Variants in ZNF141 observed in about 807,000 individuals in gnomAD.
ZNF141 encodes zinc finger protein 141 (clone pHZ-44).
ZNF141 carries 7 observed loss-of-function variants against 11.3 expected under a neutral mutation model. The observed-to-expected ratio is 0.62, with a 90% CI of 0.35 to 1.16. The LOEUF (loss-of-function observed/expected upper bound fraction) is 1.16, where lower values mean the gene tolerates loss of function less well. ZNF141 is among the 50% of genes most tolerant of loss of function. The probability of loss-of-function intolerance (pLI) is 0.02; values close to 1 mark genes in which losing one functional copy is unlikely to be tolerated. For missense variants in ZNF141, 535 were observed against 554.0 expected (o/e 0.97, Z 0.34); for synonymous variants, 183 against 190.7 (o/e 0.96, Z 0.33).
intron 3 of ZNF141, among the ~76,000 whole-genome samples, chr4:368,186 A>G (rs989589639): frequency 6.6e-6 from 1 of 152,028 alleles, no homozygotes; most frequent in Non-Finnish European, 1.5e-5. Flanking sequence ...TATCTTTATT[A>G]TACATATTAG....
rs1553847765 is a variant in ZNF141 at position 337,847 on chromosome 4, T to G, written c.-137T>G. 1 of 1,188,948 alleles carries G rather than the reference T, an allele frequency of 8.4e-7. No individual in the cohort carries two copies. Among genetic ancestry groups the G allele is most frequent in the Non-Finnish European group, 1.2e-6 (1 of 813,562 alleles). The allele number at this position is 1,188,948 out of a possible 1,614,324, so 73.6% of individuals were successfully genotyped here. A position where few individuals can be genotyped will look rare whatever the true frequency, so the allele number is the denominator to read the frequency against. Reference sequence around the variant, plus strand: ...GTCTGGCTACTACCAGACCGCGGGTTAGGGGCTTCATCTCTCTGCGTTCTC... The same window carrying G: ...GTCTGGCTACTACCAGACCGCGGGTGAGGGGCTTCATCTCTCTGCGTTCTC... On this transcript the variant is annotated 5_prime_UTR_variant, in exon 1 of 4. Transcript: ENST00000240499.
chr4:352,990 G>C (rs1297141798), intron 3 of ZNF141, among the ~76,000 whole-genome samples: 1 of 152,120 alleles, frequency 6.6e-6, no homozygotes, highest in Non-Finnish European at 1.5e-5. Context: ...TGCTGACCCT[G>C]GGTGTTGTCA....
In ZNF141 at chr4:379,237, A is replaced by T. The variant is rs1352678868; in HGVS notation, c.*5375A>T. Among the ~76,000 whole-genome samples, 1 of 152,162 alleles carries T rather than the reference A, an allele frequency of 6.6e-6. No individual in the cohort carries two copies. The highest frequency in any genetic ancestry group is 2.1e-4 in the South Asian group (1 of 4,828). ...CACTTGCCCTTTTAGTGTCTTACAT[A>T]TGTATGATTACCATCAGCACTAGAA... On this transcript the variant is annotated 3_prime_UTR_variant, in exon 4 of 4. Coordinates refer to ENST00000240499, the MANE Select transcript of ZNF141 (RefSeq NM_003441.4).
At chr4:358,238 A>G (rs1201208884) in intron 3 of ZNF141, 6 of 373,250 alleles carry the variant, frequency 1.6e-5, no homozygotes, top group Non-Finnish European at 3.0e-5. Context: ...CCCAGACTGG[A>G]GTGCAATGGC....
At chr4:346,205 G>A (rs868942865) in intron 3 of ZNF141, among the ~76,000 whole-genome samples, 3 of 152,138 alleles carry the variant, frequency 2.0e-5, no homozygotes, top group African/African-American at 4.8e-5. Context: ...AAAAGATAAC[G>A]AGTTATGTTT....
At chr4:348,072 C>T (rs1581589680) in intron 3 of ZNF141, among the ~76,000 whole-genome samples, 2 of 152,110 alleles carry the variant, frequency 1.3e-5, no homozygotes, top group African/African-American at 4.8e-5. Context: ...TCTCGATCTC[C>T]TGATCTCATG....
chr4:349,973 T>A (rs781995022), intron 3 of ZNF141, among the ~76,000 whole-genome samples: 8 of 148,470 alleles, frequency 5.4e-5, no homozygotes, highest in Non-Finnish European at 1.2e-4. Context: ...GGCCATGGAC[T>A]GTGACTGTGA....
chr4:339,794 G>A (rs1411587980), intron 1 of ZNF141, among the ~76,000 whole-genome samples: 2 of 152,158 alleles, frequency 1.3e-5, no homozygotes, highest in Admixed American at 6.5e-5. Flanking sequence ...AACCTATTCC[G>A]CAATTTCTGT....
chr4:347,709 C>T (rs1462002511), intron 3 of ZNF141, among the ~76,000 whole-genome samples: 2 of 150,150 alleles, frequency 1.3e-5, no homozygotes, highest in Non-Finnish European at 2.9e-5. Flanking sequence ...CACCAGCATA[C>T]AAGATTTCCC....
chr4:343,735 A>G, intron 1 of ZNF141, 47 bp from the exon 2 acceptor site: 2 of 1,365,240 alleles, frequency 1.5e-6, no homozygotes, highest in African/African-American at 3.0e-5. Flanking sequence ...AAAAAAAAAA[A>G]AAAAAAAAAA....
At chr4:343,684 C>G (rs1721168835) in intron 1 of ZNF141, 98 bp from the exon 2 acceptor site, 1 of 1,317,244 alleles carries the variant, frequency 7.6e-7, no homozygotes, top group South Asian at 1.6e-5. Context: ...GAGACTGCGC[C>G]GCTGCACTCC....
At position 377,886 on chromosome 4, in the gene ZNF141, C is replaced by T. The variant is rs1197414237; in HGVS notation, c.*4024C>T. ...ATATCTTAGAAATAAAATTTTTAGG[C>T]CAGGTGGCGGTGGTTCACACCTGTA... On this transcript the variant is annotated 3_prime_UTR_variant, in exon 4 of 4. Coordinates refer to ENST00000240499, the MANE Select transcript of ZNF141 (RefSeq NM_003441.4). Among the ~76,000 whole-genome samples, 1 of 151,992 alleles carries T rather than the reference C, an allele frequency of 6.6e-6. No homozygotes were observed. Among genetic ancestry groups the T allele is most frequent in the African/African-American group, 2.4e-5 (1 of 41,378 alleles).
Position 383,451 on chromosome 4 carries a change from A to T in ZNF141, c.*9589A>T. 1 of 341,990 alleles carries T rather than the reference A, an allele frequency of 2.9e-6. No homozygotes were observed. Among genetic ancestry groups the T allele is most frequent in the South Asian group, 1.2e-4 (1 of 8,228 alleles). The allele number at this position is 341,990 out of a possible 1,614,324, so 21.2% of individuals were successfully genotyped here. A position where few individuals can be genotyped will look rare whatever the true frequency, so the allele number is the denominator to read the frequency against. ...AAGTATTGATTTTCTTTTTTCCTTT[A>T]TTTAAAGTTAGATTTGTTGTAAGAT... On this transcript the variant is annotated 3_prime_UTR_variant, in exon 4 of 4. Transcript: ENST00000240499.
chr4:337,827 G>C lies in ZNF141; in HGVS notation c.-157G>C. On this transcript the variant is annotated 5_prime_UTR_variant, in exon 1 of 4. Transcript: ENST00000240499. The stretch of plus-strand genomic sequence containing the variant: ...GATGTGGCGCGGGTCTTTGCGTCTG[G>C]CTACTACCAGACCGCGGGTTAGGGG... 1.1e-6 allele frequency: 1 copy of C among 932,228 alleles called. No homozygotes were observed. Among genetic ancestry groups the C allele is most frequent in the Non-Finnish European group, 1.7e-6 (1 of 595,440 alleles). The allele number at this position is 932,228 out of a possible 1,614,324, so 57.7% of individuals were successfully genotyped here.
chr4:338,138 G>A, intron 1 of ZNF141, 152 bp downstream of exon 1: 1 of 976,224 alleles, frequency 1.0e-6, no homozygotes, highest in Non-Finnish European at 1.5e-6. Context: ...CTGGGCTCCT[G>A]TCGGTCCCCG....
In ZNF141 at chr4:379,618, C is replaced by T. The variant is rs1441818104; in HGVS notation, c.*5756C>T. ...TCAAACTCCTGACCCTGTGATCCTG[C>T]CACCTTGGCCTCCCAAAGTTCTGGA... On this transcript the variant is annotated 3_prime_UTR_variant, in exon 4 of 4. Transcript: ENST00000240499. Among the ~76,000 whole-genome samples the T allele has an allele frequency of 2.0e-5, 3 of 152,134 alleles. No homozygotes were observed. The East Asian group carries it at 5.9e-4, about 30-fold the overall frequency.
intron 3 of ZNF141, among the ~76,000 whole-genome samples, chr4:367,376 A>T (rs1428926989): frequency 6.6e-6 from 1 of 152,000 alleles, no homozygotes; most frequent in Non-Finnish European, 1.5e-5. Flanking sequence ...TCCTAATTTT[A>T]CTTTCTATTT....
intron 3 of ZNF141, among the ~76,000 whole-genome samples, chr4:367,050 T>TA (rs1553852995): frequency 6.6e-6 from 1 of 152,234 alleles, no homozygotes; most frequent in African/African-American, 2.4e-5. Flanking sequence ...GTATAGATCA[T>TA]ATGTACCTCA....
At chr4:368,993 A>G (rs1711888909) in intron 3 of ZNF141, among the ~76,000 whole-genome samples, 1 of 152,188 alleles carries the variant, frequency 6.6e-6, no homozygotes, top group African/African-American at 2.4e-5. Flanking sequence ...AAATTGTTTT[A>G]TACTGCTTTC....
Sources: gnomAD v4.1 joint callset for allele counts (sites outside exome capture counted in the v4.1 genomes callset) on GRCh38, gnomAD v4.1.1 for gene constraint, MANE v1.5 for transcripts, NCBI Gene and HGNC (gene_info 2026-07-23, HGNC 2026-07-21) for gene names.